The following SYTL3 variants were observed in gnomAD, a reference collection of about 807,000 sequenced individuals.
SYTL3 encodes synaptotagmin-like protein 3.
Under a neutral mutation model 82.1 loss-of-function variants are expected in SYTL3, and 88 were observed. The ratio of observed to expected loss-of-function variants is 1.07; its 90% CI spans 0.90 to 1.28. SYTL3 has a LOEUF of 1.28. Ranked by LOEUF, SYTL3 falls within the 50% of genes most tolerant of loss-of-function variation. SYTL3 has a pLI of 0.00. For synonymous variants in SYTL3, 311 were observed against 289.4 expected (o/e 1.07, Z -0.76); for missense variants, 831 against 757.6 (o/e 1.10, Z -1.14).
intron 6 of SYTL3, among the ~76,000 whole-genome samples, chr6:158,702,550 G>GA (rs1181930135): frequency 1.3e-5 from 2 of 150,824 alleles, no homozygotes; most frequent in Admixed American, 6.6e-5. Context: ...TCAAAAACAA[G>GA]AGGGGGGGAA....
At chr6:158,761,861 C>G (rs559616017) in intron 15 of SYTL3, among the ~76,000 whole-genome samples, 2 of 152,198 alleles carry the variant, frequency 1.3e-5, no homozygotes, top group African/African-American at 2.4e-5. Flanking sequence ...TCCCTCCATC[C>G]TGTCCTCCAC....
intron 12 of SYTL3, among the ~76,000 whole-genome samples, chr6:158,748,263 A>C (rs1787924121): frequency 6.6e-6 from 1 of 152,106 alleles, no homozygotes; most frequent in Non-Finnish European, 1.5e-5. Context: ...GATTTAATCA[A>C]ACTCTCTTCT....
intron 14 of SYTL3, among the ~76,000 whole-genome samples, chr6:158,758,378 C>G (rs1272101075): frequency 6.7e-6 from 1 of 149,110 alleles, no homozygotes; most frequent in Non-Finnish European, 1.5e-5. Flanking sequence ...GCAGAGGTTG[C>G]AATGAGTCGA....
intron 14 of SYTL3, among the ~76,000 whole-genome samples, chr6:158,758,959 G>A (rs1338987001): frequency 3.3e-5 from 5 of 152,224 alleles, no homozygotes; most frequent in East Asian, 3.9e-4. Flanking sequence ...CATGCCTTCC[G>A]TGCCTTCCTC....
intron 11 of SYTL3, among the ~76,000 whole-genome samples, chr6:158,735,729 A>C (rs1786056772): frequency 6.6e-6 from 1 of 152,230 alleles, no homozygotes; most frequent in Non-Finnish European, 1.5e-5. Flanking sequence ...TAACCTCCCA[A>C]GTAGGCAAAT....
intron 17 of SYTL3, among the ~76,000 whole-genome samples, chr6:158,764,004 A>G (rs1790386775): frequency 1.3e-5 from 2 of 152,202 alleles, no homozygotes; most frequent in African/African-American, 4.8e-5. Context: ...TGACAACCAA[A>G]AACACCTGCA....
chr6:158,659,786 T>TA (rs1051933840), intron 2 of SYTL3, among the ~76,000 whole-genome samples: 1 of 152,242 alleles, frequency 6.6e-6, no homozygotes, highest in African/African-American at 2.4e-5. Context: ...AGGTCAGAAA[T>TA]ACATTTAAGG....
At chr6:158,674,769 G>T (rs916392793) in intron 5 of SYTL3, among the ~76,000 whole-genome samples, 9 of 152,186 alleles carry the variant, frequency 5.9e-5, no homozygotes, top group African/African-American at 2.2e-4. Context: ...TCACAAACTT[G>T]ACATCAACAG....
At chr6:158,749,505 CTCTTTTTTTTTTT>C (rs1298032604) in intron 12 of SYTL3, among the ~76,000 whole-genome samples, 1 of 94,316 alleles carries the variant, frequency 1.1e-5, no homozygotes, top group African/African-American at 4.0e-5. Flanking sequence ...TTTTCTTTCT[CTCTTTTTTTTTTT>C]TTTTTTTTTT....
intron 6 of SYTL3, among the ~76,000 whole-genome samples, chr6:158,704,080 G>A (rs956135389): frequency 2.6e-5 from 4 of 151,832 alleles, no homozygotes; most frequent in African/African-American, 7.3e-5. Context: ...GCCTGCCTCA[G>A]CCTCCCAAAG....
At chr6:158,657,597 G>T (rs1483744480) in intron 2 of SYTL3, among the ~76,000 whole-genome samples, 2 of 152,146 alleles carry the variant, frequency 1.3e-5, no homozygotes, top group African/African-American at 4.8e-5. Flanking sequence ...CTATGACTCT[G>T]TCTCAAAAGA....
At chr6:158,762,643 G>A (rs1025283692) in intron 16 of SYTL3, among the ~76,000 whole-genome samples, 11 of 152,168 alleles carry the variant, frequency 7.2e-5, no homozygotes, top group Non-Finnish European at 1.2e-4. Flanking sequence ...CAGGCTGGAC[G>A]CAGTGGCTCG....
upstream of SYTL3, among the ~76,000 whole-genome samples, chr6:158,647,084 C>A (rs1787527869): frequency 6.6e-6 from 1 of 152,216 alleles, no homozygotes; most frequent in South Asian, 2.1e-4. Context: ...TTTCAATTTT[C>A]CCCACAACCT....
chr6:158,758,458 C>G (rs370382596), intron 14 of SYTL3, among the ~76,000 whole-genome samples: 2 of 151,084 alleles, frequency 1.3e-5, no homozygotes, highest in Non-Finnish European at 2.9e-5. Context: ...AAAAACCCAG[C>G]GGGATGGACT....
At chr6:158,665,667 C>A in intron 5 of SYTL3, 54 bp downstream of exon 5, 1 of 1,379,344 alleles carries the variant, frequency 7.2e-7, no homozygotes, top group Non-Finnish European at 9.9e-7. Context: ...TCGGAGGAGG[C>A]CTCTTTACAA....
chr6:158,648,516 G>C (rs1238695905), upstream of SYTL3, among the ~76,000 whole-genome samples: 41 of 151,356 alleles, frequency 2.7e-4, 1 homozygote, highest in Admixed American at 2.6e-3. Context: ...GCGTGAACCC[G>C]GGAGGCGGAG....
intron 6 of SYTL3, among the ~76,000 whole-genome samples, chr6:158,690,399 A>G (rs1204539040): frequency 6.6e-6 from 1 of 152,236 alleles, no homozygotes; most frequent in Non-Finnish European, 1.5e-5. Flanking sequence ...TGTAACATTC[A>G]GTTGCAGTAA....
At chr6:158,685,339 G>A (rs1219273014) in intron 6 of SYTL3, among the ~76,000 whole-genome samples, 1 of 151,292 alleles carries the variant, frequency 6.6e-6, no homozygotes, top group African/African-American at 2.4e-5. Context: ...TCAGCCTCCT[G>A]AATAGCTGGG....
intron 12 of SYTL3, among the ~76,000 whole-genome samples, chr6:158,749,390 G>GAAAAAAAA (rs1167978441): frequency 1.9e-5 from 1 of 52,130 alleles, no homozygotes; most frequent in African/African-American, 6.6e-5. Context: ...GACTCTGTCT[G>GAAAAAAAA]AAAAAAAAAA....
Sources: gnomAD v4.1 joint callset for allele counts (sites outside exome capture counted in the v4.1 genomes callset) on GRCh38, gnomAD v4.1.1 for gene constraint, MANE v1.5 for transcripts, NCBI Gene and HGNC (gene_info 2026-07-23, HGNC 2026-07-21) for gene names.